The following KLF7 variants were observed in gnomAD, a reference collection of about 807,000 sequenced individuals.
The protein encoded by KLF7 is KLF transcription factor 7, also known as Krueppel-like factor 7.
KLF7 carries 2 observed loss-of-function variants against 27.3 expected under a neutral mutation model. The observed-to-expected ratio is 0.07, with a 90% confidence interval of 0.03 to 0.23. KLF7 has a LOEUF of 0.23. Ranked by LOEUF, KLF7 falls within the 10% of genes least tolerant of loss-of-function variation. The pLI is 1.00. For missense variants in KLF7, 221 were observed against 394.1 expected, an observed-to-expected ratio of 0.56 and a Z score of 3.72; for synonymous variants, 165 against 162.4, an observed-to-expected ratio of 1.02 and a Z score of -0.12.
At chr2:207,114,943 C>T (rs1330868198) in intron 2 of KLF7, among the ~76,000 whole-genome samples, 1 of 152,054 alleles carries the variant, frequency 6.6e-6, no homozygotes, top group Admixed American at 6.5e-5. Flanking sequence ...TGCCTGAAAA[C>T]AATATGTACC....
chr2:207,159,238 T>C (rs980065817), intron 1 of KLF7, among the ~76,000 whole-genome samples: 1 of 152,230 alleles, frequency 6.6e-6, no homozygotes. Flanking sequence ...TCCTGGCCAT[T>C]ATGGATATGT....
At chr2:207,169,463 C>T (rs2078771278), upstream of KLF7, among the ~76,000 whole-genome samples, 1 of 152,146 alleles carries the variant, frequency 6.6e-6, no homozygotes, top group Non-Finnish European at 1.5e-5. Flanking sequence ...GACCAAATTT[C>T]AGACCAATCA....
intron 1 of KLF7, among the ~76,000 whole-genome samples, chr2:207,134,736 T>C (rs969104933): frequency 6.6e-6 from 1 of 152,196 alleles, no homozygotes. Context: ...GACCCAAGCA[T>C]TGGCCCTGGA....
chr2:207,114,493 GCA>G (rs1300172406), intron 2 of KLF7, among the ~76,000 whole-genome samples: 1 of 152,138 alleles, frequency 6.6e-6, no homozygotes, highest in Non-Finnish European at 1.5e-5. Context: ...CAGGACTACT[GCA>G]CAGTTATTCT....
chr2:207,172,931 G>C, the KLF7 span, among the ~76,000 whole-genome samples: 308 of 152,298 alleles, frequency 2.0e-3, 1 homozygote, highest in African/African-American at 7.3e-3. Flanking sequence ...TTGTTAAGAA[G>C]GGATGTTTGA....
intron 1 of KLF7, chr2:207,149,044 A>T: frequency 8.4e-7 from 1 of 1,189,284 alleles, no homozygotes; most frequent in Non-Finnish European, 1.1e-6. Flanking sequence ...GTCTCCTTAC[A>T]GCCAACTCTG....
At chr2:207,155,055 T>G (rs926489171) in intron 1 of KLF7, among the ~76,000 whole-genome samples, 1 of 152,196 alleles carries the variant, frequency 6.6e-6, no homozygotes, top group Non-Finnish European at 1.5e-5. Context: ...CAATTAAGAG[T>G]GCTGGGCCCT....
At chr2:207,169,725 G>T (rs1302343323), upstream of KLF7, among the ~76,000 whole-genome samples, 2 of 151,998 alleles carry the variant, frequency 1.3e-5, no homozygotes, top group Non-Finnish European at 2.9e-5. Context: ...CCTCACAATA[G>T]TTCAAACTTT....
intron 1 of KLF7, among the ~76,000 whole-genome samples, chr2:207,126,277 T>G (rs2077473740): frequency 1.3e-5 from 2 of 152,222 alleles, no homozygotes; most frequent in Non-Finnish European, 2.9e-5. Flanking sequence ...AATTGATTTC[T>G]GAATTATAAG....
upstream of KLF7, chr2:207,166,271 CTGGCGGCGG>C (rs1479823206): frequency 1.2e-6 from 1 of 829,438 alleles, no homozygotes; most frequent in African/African-American, 1.9e-5. Context: ...GGGCTTGGCC[CTGGCGGCGG>C]GCGCGGATTG....
chr2:207,167,165 C>G (rs562306044), upstream of KLF7: 164 of 1,432,360 alleles, frequency 1.1e-4, no homozygotes, highest in African/African-American at 2.2e-3. Flanking sequence ...GAGGTGTCTG[C>G]AGAGCTTCGA....
Position 207,091,369 on chromosome 2 carries a change from T to C in KLF7, c.734-2788A>G, listed in dbSNP as rs577829271. ...AGTGTCCTCGTGGCTGTGTCCACTA[T>C]TGAGAAACTGCAGATAGCTTGACTT... is the stretch of plus-strand genomic sequence containing the variant. On this transcript the variant is annotated intron_variant, in intron 2 of 3. Transcript: ENST00000309446. Among the ~76,000 whole-genome samples the C allele has an allele frequency of 3.9e-5, 6 of 152,362 alleles. No homozygotes were observed. In the South Asian group the frequency reaches 1.0e-3, roughly 26 times the overall value.
In KLF7 at chr2:207,124,544, G is replaced by A. The variant is rs918403960; in HGVS notation, c.103-140C>T. ...TCAGAAATGCCTTAGTAGAAGGTCT[G>A]ACCTTGTTATTTATTCTCTGAATAC... On this transcript the variant is annotated intron_variant, in intron 1 of 3. Transcript: ENST00000309446. 28 of 770,648 alleles carry A rather than the reference G, an allele frequency of 3.6e-5. 1 individual carries two copies. The African/African-American group carries it at 4.7e-4, about 13-fold the overall frequency. 47.7% of individuals were successfully genotyped at this position (770,648 alleles called of 1,614,324 possible).
rs1177945822 is a variant in KLF7, at chr2:207,076,111, C to G, written c.*5102G>C. The G allele has an allele frequency of 1.3e-5, 2 of 152,000 alleles. No homozygotes were observed. The highest frequency in any genetic ancestry group is 6.6e-5 in the Admixed American group (1 of 15,254). 9.4% of individuals were successfully genotyped at this position (152,000 alleles called of 1,614,324 possible). On this transcript the variant is annotated 3_prime_UTR_variant, in exon 4 of 4. Coordinates refer to ENST00000309446, the MANE Select transcript of KLF7 (RefSeq NM_003709.4). ...CTCCGAAACGTCAGTAGCCTGTTTTCCTTCCGTGAAGGTACGACAGGTACA... is the reference window on the plus strand; with the variant it reads ...CTCCGAAACGTCAGTAGCCTGTTTTGCTTCCGTGAAGGTACGACAGGTACA...
At chr2:207,157,348 G>A (rs1254624607) in intron 1 of KLF7, among the ~76,000 whole-genome samples, 3 of 152,062 alleles carry the variant, frequency 2.0e-5, no homozygotes, top group African/African-American at 7.2e-5. Flanking sequence ...TAGCAAGGGA[G>A]GGAGTTTGGC....
At position 207,078,487 on chromosome 2, in the gene KLF7, G is replaced by T. The variant is rs1481571893; in HGVS notation, c.*2726C>A. 1 of 152,180 alleles carries T rather than the reference G, an allele frequency of 6.6e-6. No individual in the cohort carries two copies. The highest frequency in any genetic ancestry group is 2.4e-5 in the African/African-American group (1 of 41,424). 9.4% of individuals were successfully genotyped at this position (152,180 alleles called of 1,614,324 possible). ...CATTTTTTAAACTTTCTTTTTAATA[G>T]AGCCTTGCATTGGTCAGTTCGAAAA... On this transcript the variant is annotated 3_prime_UTR_variant, in exon 4 of 4. Coordinates refer to ENST00000309446, the MANE Select transcript of KLF7 (RefSeq NM_003709.4).
chr2:207,140,910 G>T (rs1667460965), intron 1 of KLF7, among the ~76,000 whole-genome samples: 2 of 152,116 alleles, frequency 1.3e-5, no homozygotes, highest in African/African-American at 2.4e-5. Context: ...GAGACTTTTT[G>T]TAAGTATGTA....
chr2:207,090,863 A>G (rs1298784455), intron 2 of KLF7, among the ~76,000 whole-genome samples: 1 of 152,140 alleles, frequency 6.6e-6, no homozygotes, highest in Non-Finnish European at 1.5e-5. Context: ...AGGCTCTGTT[A>G]TCTCAAGGGG....
At chr2:207,081,358 A>G (rs2076267608) in intron 3 of KLF7, 94 bp from the exon 4 acceptor site, 1 of 1,092,850 alleles carries the variant, frequency 9.2e-7, no homozygotes, top group South Asian at 1.3e-5. Flanking sequence ...TACTTTAAAC[A>G]GAGACAGTGC....
Sources: gnomAD v4.1 joint callset for allele counts (sites outside exome capture counted in the v4.1 genomes callset) on GRCh38, gnomAD v4.1.1 for gene constraint, MANE v1.5 for transcripts, NCBI Gene and HGNC (gene_info 2026-07-23, HGNC 2026-07-21) for gene names.